DRC8: variants seen among roughly 807,000 people sequenced by gnomAD.
The protein encoded by DRC8 is dynein regulatory complex protein 8.
the DRC8 span, among the ~76,000 whole-genome samples, chr1:245,009,583 T>C: frequency 6.6e-6 from 1 of 150,824 alleles, no homozygotes; most frequent in Non-Finnish European, 1.5e-5. Context: ...TTCTCCTGCC[T>C]CAGCCTCCCA....
the DRC8 span, chr1:245,002,279 A>C: frequency 6.7e-7 from 1 of 1,488,276 alleles, no homozygotes; most frequent in Non-Finnish European, 9.2e-7. Context: ...CAATCGCTTA[A>C]CCATCTCTCT....
the DRC8 span, among the ~76,000 whole-genome samples, chr1:244,984,825 ACT>A: frequency 7.1e-6 from 1 of 139,976 alleles, no homozygotes; most frequent in Admixed American, 7.7e-5. Context: ...ACAGAGCAAG[ACT>A]CTGTCAAAAA....
At chr1:245,030,985 A>G in the DRC8 span, among the ~76,000 whole-genome samples, 1 of 152,224 alleles carries the variant, frequency 6.6e-6, no homozygotes, top group Non-Finnish European at 1.5e-5. Context: ...ATCTGTGCCT[A>G]GGGAGGCAGG....
chr1:244,975,131 C>T, the DRC8 span, among the ~76,000 whole-genome samples: 904 of 152,166 alleles, frequency 5.9e-3, 8 homozygotes, highest in African/African-American at 0.021. Context: ...GGGGTTTCAC[C>T]GTATTAGCCA....
the DRC8 span, among the ~76,000 whole-genome samples, chr1:245,113,635 C>T: frequency 3.3e-5 from 5 of 151,962 alleles, no homozygotes; most frequent in Non-Finnish European, 5.9e-5. Flanking sequence ...CGAACATTAA[C>T]GTGTTCAAAT....
At chr1:245,087,277 ATGT>A in the DRC8 span, 4 of 1,611,050 alleles carry the variant, frequency 2.5e-6, no homozygotes, top group African/African-American at 1.3e-5. Context: ...AATGGAAGAA[ATGT>A]TGTCTGCTGC....
At chr1:245,017,267 A>G in the DRC8 span, 3 of 1,610,582 alleles carry the variant, frequency 1.9e-6, no homozygotes, top group Admixed American at 1.7e-5. Flanking sequence ...AATTTCACAA[A>G]AAAATCAAAG....
At chr1:245,016,934 T>C in the DRC8 span, among the ~76,000 whole-genome samples, 1 of 152,226 alleles carries the variant, frequency 6.6e-6, no homozygotes, top group African/African-American at 2.4e-5. Context: ...CTGGAAATAT[T>C]CTGTCACCGT....
At chr1:244,974,385 T>C in the DRC8 span, among the ~76,000 whole-genome samples, 76 of 152,378 alleles carry the variant, frequency 5.0e-4, no homozygotes, top group Admixed American at 3.8e-3. Context: ...GCTGCAGATA[T>C]TAAAAGCTCA....
At chr1:245,014,303 T>C in the DRC8 span, among the ~76,000 whole-genome samples, 1 of 152,098 alleles carries the variant, frequency 6.6e-6, no homozygotes, top group African/African-American at 2.4e-5. Flanking sequence ...AAAGAAATAA[T>C]TGAAGATCCC....
the DRC8 span, among the ~76,000 whole-genome samples, chr1:244,982,696 A>G: frequency 2.6e-5 from 4 of 152,198 alleles, no homozygotes; most frequent in Non-Finnish European, 5.9e-5. Flanking sequence ...ATGAAAAAAC[A>G]ACACCCAAGA....
the DRC8 span, among the ~76,000 whole-genome samples, chr1:245,043,200 G>C: frequency 6.6e-5 from 10 of 152,286 alleles, no homozygotes; most frequent in East Asian, 1.7e-3. Flanking sequence ...GGGAGACCTA[G>C]GCGGGCGGAT....
the DRC8 span, among the ~76,000 whole-genome samples, chr1:245,025,608 C>T: frequency 6.6e-6 from 1 of 152,206 alleles, no homozygotes; most frequent in Non-Finnish European, 1.5e-5. Context: ...CCACACCCAT[C>T]TGTCCTGTTC....
At chr1:245,026,429 C>T in the DRC8 span, among the ~76,000 whole-genome samples, 372 of 152,304 alleles carry the variant, frequency 2.4e-3, 1 homozygote, top group African/African-American at 8.5e-3. Context: ...ATTAAAATAA[C>T]ATTTCGCAAT....
chr1:245,003,463 G>C, the DRC8 span, among the ~76,000 whole-genome samples: 41 of 152,246 alleles, frequency 2.7e-4, no homozygotes, highest in African/African-American at 9.4e-4. Context: ...CTCACAGCTA[G>C]TACATGGTAA....
the DRC8 span, among the ~76,000 whole-genome samples, chr1:245,118,928 G>T: frequency 6.6e-6 from 1 of 152,208 alleles, no homozygotes; most frequent in African/African-American, 2.4e-5. Flanking sequence ...GACAGCTGAT[G>T]AGCTCCTCAG....
At chr1:245,043,490 A>G in the DRC8 span, among the ~76,000 whole-genome samples, 1 of 152,312 alleles carries the variant, frequency 6.6e-6, no homozygotes, top group South Asian at 2.1e-4. Context: ...CATATTTTAA[A>G]TACTTTATAT....
chr1:245,014,029 C>T, the DRC8 span, among the ~76,000 whole-genome samples: 1 of 21,554 alleles, frequency 4.6e-5, no homozygotes, highest in South Asian at 3.3e-3. Flanking sequence ...AAGACTCCAT[C>T]TCAAAAAAAA....
the DRC8 span, among the ~76,000 whole-genome samples, chr1:245,057,844 A>C: frequency 6.6e-6 from 1 of 152,076 alleles, no homozygotes; most frequent in Non-Finnish European, 1.5e-5. Context: ...TAAATTGTTC[A>C]CTCTAATTTT....
Sources: allele counts gnomAD v4.1 joint callset (sites outside exome capture counted in the v4.1 genomes callset), GRCh38; gene constraint gnomAD v4.1.1; transcripts MANE v1.5; gene names NCBI Gene and HGNC (gene_info 2026-07-23, HGNC 2026-07-21).